Variants in STK3 observed in about 807,000 individuals in gnomAD.
The protein encoded by STK3 is serine/threonine-protein kinase 3.
A neutral mutation model predicts 58.0 loss-of-function variants in STK3; 41 were observed. The observed-to-expected ratio is 0.71, with a 90% CI of 0.55 to 0.92. The LOEUF (loss-of-function observed/expected upper bound fraction) is 0.92, where lower values mean the gene tolerates loss of function less well. Among genes scored for constraint, STK3 ranks in the 40% least tolerant of loss-of-function variants. The pLI is 0.00. For synonymous variants in STK3, 170 were observed against 191.0 expected, an observed-to-expected ratio of 0.89 and a Z score of 0.91; for missense variants, 479 against 602.7, an observed-to-expected ratio of 0.79 and a Z score of 2.15.
chr8:98,379,261 T>C (rs1230385113), intron 1 of STK3: 1 of 152,244 alleles, frequency 6.6e-6, no homozygotes, highest in Admixed American at 6.5e-5. Flanking sequence ...AGTTGATTTA[T>C]TATACTCCCA....
intron 6 of STK3, among the ~76,000 whole-genome samples, chr8:98,627,910 C>G (rs1818858970): frequency 6.6e-6 from 1 of 152,128 alleles, no homozygotes; most frequent in African/African-American, 2.4e-5. Flanking sequence ...ATGTGGGTAT[C>G]TAATTGTGCC....
At chr8:98,476,391 A>G (rs762736295) in intron 10 of STK3, among the ~76,000 whole-genome samples, 39 of 152,316 alleles carry the variant, frequency 2.6e-4, no homozygotes, top group Non-Finnish European at 5.4e-4. Flanking sequence ...TAGAATTACA[A>G]AGGACACTGA....
At chr8:98,537,420 G>A (rs1050364115) in intron 9 of STK3, among the ~76,000 whole-genome samples, 3 of 152,058 alleles carry the variant, frequency 2.0e-5, no homozygotes, top group Non-Finnish European at 4.4e-5. Flanking sequence ...GCCACAATGC[G>A]CAGCTGAGTC....
chr8:98,602,874 A>G (rs1473798892), intron 6 of STK3, among the ~76,000 whole-genome samples: 7 of 91,164 alleles, frequency 7.7e-5, no homozygotes, highest in Non-Finnish European at 8.2e-5. Flanking sequence ...CCTCCAAATA[A>G]CTAAAAAAAA....
chr8:98,734,694 G>A (rs530972188), intron 4 of STK3, among the ~76,000 whole-genome samples: 2 of 152,122 alleles, frequency 1.3e-5, no homozygotes, highest in Admixed American at 1.3e-4. Context: ...ATGCATAAAT[G>A]TTTCGAGATG....
At chr8:98,644,764 G>A (rs1299513644) in intron 6 of STK3, among the ~76,000 whole-genome samples, 5 of 152,106 alleles carry the variant, frequency 3.3e-5, no homozygotes, top group Non-Finnish European at 7.4e-5. Context: ...ATACCAGCAT[G>A]TTTTAATATC....
chr8:98,360,839 GAGGCTATGTGA>G, the STK3 span, among the ~76,000 whole-genome samples: 1 of 152,210 alleles, frequency 6.6e-6, no homozygotes, highest in African/African-American at 2.4e-5. Flanking sequence ...CAGTTGGGCT[GAGGCTATGTGA>G]TTACACGCTC....
intron 6 of STK3, among the ~76,000 whole-genome samples, chr8:98,630,812 A>G (rs544895517): frequency 6.6e-6 from 1 of 151,830 alleles, no homozygotes; most frequent in East Asian, 2.0e-4. Flanking sequence ...AAGAGGAAGA[A>G]GAAGAAGAAG....
At chr8:98,396,813 C>T (rs1817900259), downstream of STK3, among the ~76,000 whole-genome samples, 1 of 152,190 alleles carries the variant, frequency 6.6e-6, no homozygotes, top group African/African-American at 2.4e-5. Flanking sequence ...ACAACCAAGG[C>T]AACTTCACAC....
At chr8:98,940,001 G>A (rs534381665) in intron 1 of STK3, among the ~76,000 whole-genome samples, 21 of 152,378 alleles carry the variant, frequency 1.4e-4, no homozygotes, top group African/African-American at 4.8e-4. Flanking sequence ...AAGCAGCCTT[G>A]GACGCGGGAT....
intron 6 of STK3, among the ~76,000 whole-genome samples, chr8:98,619,616 C>A (rs1375601527): frequency 2.0e-5 from 2 of 98,604 alleles, no homozygotes; most frequent in African/African-American, 4.2e-5. Context: ...AACAAATTTA[C>A]AAGAAAAAAA....
chr8:98,441,925 A>C (rs974430142), intron 1 of STK3, among the ~76,000 whole-genome samples: 1 of 152,140 alleles, frequency 6.6e-6, no homozygotes, highest in East Asian at 1.9e-4. Context: ...CTCCAGACCC[A>C]TGTTTCCAGC....
chr8:98,719,346 T>A (rs184930889), intron 4 of STK3, among the ~76,000 whole-genome samples: 1 of 152,326 alleles, frequency 6.6e-6, no homozygotes, highest in East Asian at 1.9e-4. Flanking sequence ...CTCTTAACAT[T>A]CTATTTCCAA....
chr8:98,396,775 C>G (rs890050490), downstream of STK3, among the ~76,000 whole-genome samples: 1 of 152,216 alleles, frequency 6.6e-6, no homozygotes, highest in South Asian at 2.1e-4. Flanking sequence ...CAAGCAGCCA[C>G]GCTGACTGCT....
chr8:98,657,639 G>T (rs1414019317), intron 6 of STK3, among the ~76,000 whole-genome samples: 1 of 151,920 alleles, frequency 6.6e-6, no homozygotes, highest in East Asian at 1.9e-4. Context: ...CATGTATAGA[G>T]AAATGTTTAG....
rs1191454229 is a variant in STK3 at position 98,478,724 on chromosome 8, T to C, written c.1318-22724A>G. Among the ~76,000 whole-genome samples, 6 of 152,216 alleles carry C rather than the reference T, an allele frequency of 3.9e-5. No homozygotes were observed. The East Asian group carries it at 1.2e-3, about 29-fold the overall frequency. ...ACTATAAACACATGTCACAGAGATG[T>C]TCTGAAGATTACATGAGACCACAGA... On this transcript the variant is annotated intron_variant, in intron 10 of 10. Transcript: ENST00000419617.
chr8:98,539,858 A>C (rs1320503894), intron 9 of STK3, among the ~76,000 whole-genome samples: 1 of 152,014 alleles, frequency 6.6e-6, no homozygotes, highest in African/African-American at 2.4e-5. Flanking sequence ...GGTTCCAGCG[A>C]TTCTCCTGCC....
At chr8:98,924,135 T>C (rs1839694438) in intron 1 of STK3, among the ~76,000 whole-genome samples, 1 of 152,208 alleles carries the variant, frequency 6.6e-6, no homozygotes, top group Non-Finnish European at 1.5e-5. Flanking sequence ...ATTCCGTTTT[T>C]GTCCCTGAAA....
downstream of STK3, among the ~76,000 whole-genome samples, chr8:98,451,368 G>C (rs904132133): frequency 6.6e-6 from 1 of 152,080 alleles, no homozygotes; most frequent in Non-Finnish European, 1.5e-5. Flanking sequence ...GTTTGTTGGC[G>C]GAAAGGGCTC....
Sources: allele counts gnomAD v4.1 joint callset (sites outside exome capture counted in the v4.1 genomes callset), GRCh38; gene constraint gnomAD v4.1.1; transcripts MANE v1.5; gene names NCBI Gene and HGNC (gene_info 2026-07-23, HGNC 2026-07-21).